Variants in PTPRO observed in about 807,000 individuals in gnomAD.
PTPRO encodes protein tyrosine phosphatase receptor type O, also known as receptor-type tyrosine-protein phosphatase O.
Under a neutral mutation model 145.2 loss-of-function variants are expected in PTPRO, and 62 were observed. The ratio of observed to expected loss-of-function variants is 0.43; its 90% CI spans 0.35 to 0.53. PTPRO has a LOEUF of 0.53. PTPRO is among the 20% of genes least tolerant of loss of function. The pLI is 0.01. For missense variants in PTPRO, 1,345 were observed against 1,482.7 expected (o/e 0.91, Z 1.53); for synonymous variants, 565 against 514.7 (o/e 1.10, Z -1.32).
intron 1 of PTPRO, among the ~76,000 whole-genome samples, chr12:15,370,589 C>T (rs1282448585): frequency 4.6e-5 from 7 of 151,822 alleles, no homozygotes; most frequent in South Asian, 4.2e-4. Context: ...GGCAAGGGGA[C>T]GATGGTAATA....
intron 1 of PTPRO, among the ~76,000 whole-genome samples, chr12:15,426,652 C>T (rs1940294135): frequency 6.6e-6 from 1 of 151,966 alleles, no homozygotes; most frequent in Non-Finnish European, 1.5e-5. Context: ...AAGGCTGAGG[C>T]CAATCTGAGA....
chr12:15,463,605 C>T (rs926555741), intron 1 of PTPRO, among the ~76,000 whole-genome samples: 11 of 152,142 alleles, frequency 7.2e-5, no homozygotes, highest in African/African-American at 2.7e-4. Flanking sequence ...CAGTCTTATT[C>T]TATCACCATT....
chr12:15,464,380 A>G (rs1178821449), intron 1 of PTPRO, among the ~76,000 whole-genome samples: 1 of 147,694 alleles, frequency 6.8e-6, no homozygotes, highest in Non-Finnish European at 1.5e-5. Flanking sequence ...TTGGAGACTG[A>G]GTCTCACTCT....
intron 14 of PTPRO, among the ~76,000 whole-genome samples, chr12:15,550,347 T>A (rs764155781): frequency 6.6e-6 from 1 of 152,154 alleles, no homozygotes; most frequent in Non-Finnish European, 1.5e-5. Flanking sequence ...GGTCTTCACA[T>A]TGAGTAGGCT....
At chr12:15,416,610 C>T (rs1286810556) in intron 1 of PTPRO, among the ~76,000 whole-genome samples, 4 of 151,572 alleles carry the variant, frequency 2.6e-5, no homozygotes, top group Admixed American at 6.5e-5. Context: ...TGAGCCACCG[C>T]GCCCAGCCGG....
intron 1 of PTPRO, among the ~76,000 whole-genome samples, chr12:15,451,658 A>C (rs1941049164): frequency 6.6e-6 from 1 of 152,214 alleles, no homozygotes; most frequent in Admixed American, 6.5e-5. Flanking sequence ...CTCAGACCAC[A>C]ATGGAATAAA....
intron 1 of PTPRO, among the ~76,000 whole-genome samples, chr12:15,375,144 G>A (rs1200482781): frequency 6.6e-6 from 1 of 152,128 alleles, no homozygotes; most frequent in African/African-American, 2.4e-5. Flanking sequence ...TACAGAATTA[G>A]CCCTAGAAAA....
At chr12:15,455,386 A>G (rs903113054) in intron 1 of PTPRO, among the ~76,000 whole-genome samples, 2 of 152,076 alleles carry the variant, frequency 1.3e-5, no homozygotes, top group African/African-American at 2.4e-5. Flanking sequence ...CAATGGTATA[A>G]CATTTGGGAC....
chr12:15,419,409 C>T (rs1302744935), intron 1 of PTPRO, among the ~76,000 whole-genome samples: 1 of 151,424 alleles, frequency 6.6e-6, no homozygotes, highest in Non-Finnish European at 1.5e-5. Context: ...TGAAGCAATT[C>T]AGATTGCTTC....
At chr12:15,347,757 A>C (rs1336091268) in intron 1 of PTPRO, among the ~76,000 whole-genome samples, 2 of 152,226 alleles carry the variant, frequency 1.3e-5, no homozygotes, top group African/African-American at 4.8e-5. Flanking sequence ...ATATATGATA[A>C]ATTGGAGGTC....
Position 15,378,381 on chromosome 12 carries a change from A to G in PTPRO, c.75+55580A>G, listed in dbSNP as rs563402159. Among the ~76,000 whole-genome samples the G allele has an allele frequency of 8.5e-5, 13 of 152,152 alleles. No homozygotes were observed. In the East Asian group the frequency reaches 2.5e-3, roughly 29 times the overall value. Reference sequence around the variant, plus strand: ...AGTATATATTCTTAAAAGAAAATACACTATTATATTCTTATAAGAAAATAC... The same window carrying G: ...AGTATATATTCTTAAAAGAAAATACGCTATTATATTCTTATAAGAAAATAC... On this transcript the variant is annotated intron_variant, in intron 1 of 26. Transcript: ENST00000281171.
At chr12:15,582,967 G>A (rs965836721) in intron 23 of PTPRO, among the ~76,000 whole-genome samples, 3 of 152,160 alleles carry the variant, frequency 2.0e-5, no homozygotes, top group Middle Eastern at 3.2e-3. Flanking sequence ...TCAGCCTATA[G>A]AATATACAGT....
chr12:15,478,230 A>G (rs984844052), intron 1 of PTPRO, among the ~76,000 whole-genome samples: 2 of 152,184 alleles, frequency 1.3e-5, no homozygotes, highest in African/African-American at 4.8e-5. Context: ...ATCACCAGCC[A>G]ATAGGTTTTA....
At chr12:15,537,026 G>C (rs1349060430) in intron 12 of PTPRO, among the ~76,000 whole-genome samples, 1 of 152,132 alleles carries the variant, frequency 6.6e-6, no homozygotes, top group African/African-American at 2.4e-5. Flanking sequence ...AGTAAAAGCA[G>C]CCTAGAGACA....
In PTPRO at chr12:15,544,267, G is replaced by C. The variant is rs140143646; in HGVS notation, c.2165-2302G>C. 4.6e-3 allele frequency among the ~76,000 whole-genome samples: 705 copies of C among 152,162 alleles called. 4 individuals are homozygous for C. The highest frequency in any genetic ancestry group is 0.01 in the Middle Eastern group (3 of 294). On this transcript the variant is annotated intron_variant, in intron 12 of 26. Coordinates refer to ENST00000281171, the MANE Select transcript of PTPRO (RefSeq NM_030667.3). The stretch of plus-strand genomic sequence containing the variant: ...AATCCCAGCTCCCAGCACTTTGGGA[G>C]GCAGAGGCAGGCAGATCACAAGGTC...
intron 1 of PTPRO, among the ~76,000 whole-genome samples, chr12:15,437,935 T>C (rs1008373675): frequency 6.6e-6 from 1 of 152,168 alleles, no homozygotes; most frequent in Non-Finnish European, 1.5e-5. Flanking sequence ...CTCAGACCAA[T>C]GTGTATTCTA....
intron 5 of PTPRO, among the ~76,000 whole-genome samples, chr12:15,502,600 T>C (rs367680870): frequency 2.0e-5 from 3 of 152,186 alleles, no homozygotes; most frequent in African/African-American, 7.2e-5. Flanking sequence ...AAGCTGATAG[T>C]AAAATGGAAA....
chr12:15,414,692 A>G (rs893448399), intron 1 of PTPRO, among the ~76,000 whole-genome samples: 8 of 152,194 alleles, frequency 5.3e-5, no homozygotes, highest in African/African-American at 1.9e-4. Flanking sequence ...CTTTTAGAAT[A>G]CCTTCTCTCC....
Position 15,587,009 on chromosome 12 carries a change from AG to A in PTPRO, c.3369del (p.Gln1123HisfsTer10). 1 of 1,614,158 alleles carries A rather than the reference AG, an allele frequency of 6.2e-7. No individual in the cohort carries two copies. Among genetic ancestry groups the A allele is most frequent in the Non-Finnish European group, 8.5e-7 (1 of 1,179,998 alleles). On this transcript the variant is annotated frameshift_variant, in exon 24 of 27. Transcript: ENST00000281171. LOFTEE classifies it high-confidence loss of function. The part of the protein sequence containing the change: ...SILQFVHMVR[Q>X]QATKSKGPMI... ...CTGCAGTTTGTACACATGGTCCGAC[AG>A]CAAGCTACCAAGAGCAAAGGTCCCA...
Sources: allele counts gnomAD v4.1 joint callset (sites outside exome capture counted in the v4.1 genomes callset), GRCh38; gene constraint gnomAD v4.1.1; transcripts MANE v1.5; gene names NCBI Gene and HGNC (gene_info 2026-07-23, HGNC 2026-07-21).